The following INPP4B variants were observed in gnomAD, a reference collection of about 807,000 sequenced individuals.
INPP4B encodes inositol polyphosphate 4-phosphatase type II.
In INPP4B, 55 loss-of-function variants were observed where a neutral mutation model predicts 122.5. That is an observed-to-expected ratio of 0.45 (90% CI 0.36 to 0.56). The LOEUF (loss-of-function observed/expected upper bound fraction) is 0.56, where lower values mean the gene tolerates loss of function less well. INPP4B is among the 20% of genes least tolerant of loss of function. The probability of loss-of-function intolerance (pLI) is 0.00; values close to 1 mark genes in which losing one functional copy is unlikely to be tolerated. For synonymous variants in INPP4B, 403 were observed against 388.7 expected, an observed-to-expected ratio of 1.04 and a Z score of -0.43; for missense variants, 1,000 against 1,097.7, an observed-to-expected ratio of 0.91 and a Z score of 1.26.
rs572619247 is a variant in INPP4B at position 142,310,756 on chromosome 4, G to A, written c.423+3956C>T. ...CCATAGGAAGAGAAAAAGACCAAGT[G>A]AACTATTAACATTGAAAAATACATC... On this transcript the variant is annotated intron_variant, in intron 8 of 25. Coordinates refer to ENST00000262992, the MANE Select transcript of INPP4B (RefSeq NM_001101669.3). Among the ~76,000 whole-genome samples the A allele has an allele frequency of 2.0e-3, 301 of 149,262 alleles. 1 individual carries two copies. Among genetic ancestry groups the A allele is most frequent in the African/African-American group, 6.8e-3 (278 of 40,688 alleles).
intron 7 of INPP4B, among the ~76,000 whole-genome samples, chr4:142,389,197 A>G (rs78920225): frequency 1.3e-5 from 2 of 150,960 alleles, no homozygotes; most frequent in African/African-American, 2.4e-5. Flanking sequence ...TTGCAGTAAG[A>G]CAAGATTGCC....
intron 2 of INPP4B, among the ~76,000 whole-genome samples, chr4:142,580,330 A>T (rs1285062933): frequency 6.6e-6 from 1 of 152,038 alleles, no homozygotes; most frequent in Non-Finnish European, 1.5e-5. Flanking sequence ...TTAGGTACTT[A>T]GTATCTGTCA....
intron 2 of INPP4B, among the ~76,000 whole-genome samples, chr4:142,715,355 T>C (rs1359511223): frequency 6.6e-6 from 1 of 152,220 alleles, no homozygotes; most frequent in Non-Finnish European, 1.5e-5. Flanking sequence ...CCCAATTTTA[T>C]TTAATTTGAA....
At chr4:142,092,977 A>G (rs6853350) in intron 23 of INPP4B, among the ~76,000 whole-genome samples, 39,173 of 152,058 alleles carry the variant, frequency 0.26, 5,125 homozygotes, top group East Asian at 0.3. Context: ...GCTTCTGACT[A>G]TCTTTTGACT....
rs540939942 is a variant in INPP4B at position 142,580,762 on chromosome 4, A to C, written c.-190-118036T>G. ...ATTCTATTTTACTGGATAAAGTTAA[A>C]CCTGACAGAGGGAGATACATTAAAT... is the stretch of plus-strand genomic sequence containing the variant. On this transcript the variant is annotated intron_variant, in intron 2 of 25. Transcript: ENST00000262992. Among the ~76,000 whole-genome samples, 74 of 152,182 alleles carry C rather than the reference A, an allele frequency of 4.9e-4. 1 individual carries two copies. The South Asian group carries it at 0.015, about 31-fold the overall frequency.
At chr4:142,621,328 T>C (rs1160269452) in intron 2 of INPP4B, among the ~76,000 whole-genome samples, 1 of 151,830 alleles carries the variant, frequency 6.6e-6, no homozygotes, top group African/African-American at 2.4e-5. Context: ...CTAAAAGATT[T>C]AGAAAATTAT....
chr4:142,690,633 TG>T (rs985006677), intron 2 of INPP4B, among the ~76,000 whole-genome samples: 4 of 152,190 alleles, frequency 2.6e-5, no homozygotes, highest in Non-Finnish European at 4.4e-5. Context: ...AGAGAACTGC[TG>T]GAGAACTGGC....
intron 2 of INPP4B, among the ~76,000 whole-genome samples, chr4:142,656,828 G>A (rs532793249): frequency 1.4e-4 from 21 of 152,178 alleles, no homozygotes; most frequent in African/African-American, 5.1e-4. Context: ...TTTTTACTGG[G>A]TTAGGCCCCC....
At position 142,321,664 on chromosome 4, in the gene INPP4B, G is replaced by A. The variant is rs71608478; in HGVS notation, c.373-6902C>T. Among the ~76,000 whole-genome samples the A allele has an allele frequency of 5.7e-4, 87 of 152,018 alleles. 1 individual carries two copies. Among genetic ancestry groups the A allele is most frequent in the African/African-American group, 1.6e-3 (67 of 41,482 alleles). On this transcript the variant is annotated intron_variant, in intron 7 of 25. Transcript: ENST00000262992. ...TTACATGTGACTTGCCAATTGTTCC[G>A]GCACCATTTGTTGAATAGAGTGTCC...
At chr4:142,381,433 C>T (rs904167736) in intron 7 of INPP4B, among the ~76,000 whole-genome samples, 15 of 151,948 alleles carry the variant, frequency 9.9e-5, no homozygotes, top group African/African-American at 3.1e-4. Context: ...CATTTTTGAC[C>T]TTTCTGAAAT....
chr4:142,085,848 G>A (rs76668645), intron 24 of INPP4B, among the ~76,000 whole-genome samples: 4,493 of 152,252 alleles, frequency 0.03, 67 homozygotes, highest in African/African-American at 0.042. Context: ...GGCAATTGAC[G>A]TTGCAATACG....
intron 25 of INPP4B, among the ~76,000 whole-genome samples, chr4:142,056,740 A>C (rs557191725): frequency 6.6e-6 from 1 of 152,256 alleles, no homozygotes; most frequent in South Asian, 2.1e-4. Flanking sequence ...CAAGTGCTAA[A>C]ATGGAAAATC....
intron 25 of INPP4B, among the ~76,000 whole-genome samples, chr4:142,065,609 G>A (rs760781778): frequency 3.3e-5 from 5 of 152,100 alleles, no homozygotes; most frequent in East Asian, 1.9e-4. Context: ...AAAAGACCAC[G>A]AATTGTATAA....
At chr4:142,101,610 T>C (rs336330) in intron 23 of INPP4B, among the ~76,000 whole-genome samples, 135,278 of 152,124 alleles carry the variant, frequency 0.89, 61,870 homozygotes, top group Non-Finnish European at 0.99. Context: ...GTGCAGTTTG[T>C]TAAAGAAGTC....
At chr4:142,174,551 C>A (rs757611110) in intron 15 of INPP4B, among the ~76,000 whole-genome samples, 4 of 151,976 alleles carry the variant, frequency 2.6e-5, no homozygotes, top group African/African-American at 9.7e-5. Context: ...TATTTTATCA[C>A]GACACTTTTT....
intron 2 of INPP4B, among the ~76,000 whole-genome samples, chr4:142,563,833 G>C (rs1294159246): frequency 6.6e-6 from 1 of 152,094 alleles, no homozygotes; most frequent in Non-Finnish European, 1.5e-5. Flanking sequence ...CCTTCCAGTG[G>C]ATGAGTCATG....
At chr4:142,067,352 T>TA (rs1764110154) in intron 25 of INPP4B, among the ~76,000 whole-genome samples, 1 of 152,208 alleles carries the variant, frequency 6.6e-6, no homozygotes, top group African/African-American at 2.4e-5. Flanking sequence ...CAAAGGTAGA[T>TA]AAAACCACAA....
chr4:142,734,410 G>A (rs919564941), intron 1 of INPP4B, among the ~76,000 whole-genome samples: 7 of 152,172 alleles, frequency 4.6e-5, no homozygotes, highest in Admixed American at 2.0e-4. Context: ...GGGAGGAAAC[G>A]CTCTGAGGAG....
intron 2 of INPP4B, among the ~76,000 whole-genome samples, chr4:142,613,364 CTTTA>C (rs1742994005): frequency 1.3e-5 from 2 of 152,138 alleles, no homozygotes; most frequent in South Asian, 4.1e-4. Context: ...AATGCATGCT[CTTTA>C]TTTTTCACAG....
Sources: gnomAD v4.1 joint callset for allele counts (sites outside exome capture counted in the v4.1 genomes callset) on GRCh38, gnomAD v4.1.1 for gene constraint, MANE v1.5 for transcripts, NCBI Gene and HGNC (gene_info 2026-07-23, HGNC 2026-07-21) for gene names.